The following CADM1 variants were observed in gnomAD, a reference collection of about 807,000 sequenced individuals.
CADM1 encodes cell adhesion molecule 1.
In CADM1, 15 loss-of-function variants were observed where a neutral mutation model predicts 53.1. The observed-to-expected ratio is 0.28, with a 90% CI of 0.19 to 0.44. CADM1 has a LOEUF of 0.44. Ranked by LOEUF, CADM1 falls within the 20% of genes least tolerant of loss-of-function variation. The pLI is 1.00. For missense variants in CADM1, 434 were observed against 611.3 expected, an observed-to-expected ratio of 0.71 and a Z score of 3.06; for synonymous variants, 281 against 243.0, an observed-to-expected ratio of 1.16 and a Z score of -1.45.
intron 1 of CADM1, among the ~76,000 whole-genome samples, chr11:115,295,507 TATATATATATA>T (rs1292610099): frequency 6.3e-5 from 1 of 15,766 alleles, no homozygotes; most frequent in Non-Finnish European, 1.2e-4. Flanking sequence ...CAAGATATTT[TATATATATATA>T]TATATATATA....
At chr11:115,318,915 GAAT>G (rs1171163205) in intron 1 of CADM1, among the ~76,000 whole-genome samples, 3 of 152,150 alleles carry the variant, frequency 2.0e-5, no homozygotes, top group African/African-American at 7.2e-5. Flanking sequence ...GAAGTAGCAA[GAAT>G]AATAATTAAC....
At chr11:115,326,355 T>C (rs1010407443) in intron 1 of CADM1, among the ~76,000 whole-genome samples, 9 of 152,174 alleles carry the variant, frequency 5.9e-5, no homozygotes, top group African/African-American at 2.2e-4. Context: ...GAAGAACTTT[T>C]GAAGCATGTA....
intron 1 of CADM1, among the ~76,000 whole-genome samples, chr11:115,484,563 G>A (rs1162220367): frequency 6.6e-6 from 1 of 152,086 alleles, no homozygotes; most frequent in Non-Finnish European, 1.5e-5. Context: ...AAATAATATG[G>A]ACAGGCTGAA....
intron 8 of CADM1, among the ~76,000 whole-genome samples, chr11:115,202,343 TA>T (rs1940472340): frequency 6.6e-6 from 1 of 152,194 alleles, no homozygotes; most frequent in Admixed American, 6.5e-5. Flanking sequence ...GGTTTAAAAC[TA>T]ATCCATAAAT....
intron 1 of CADM1, among the ~76,000 whole-genome samples, chr11:115,487,125 G>A (rs901162597): frequency 6.6e-6 from 1 of 152,166 alleles, no homozygotes; most frequent in African/African-American, 2.4e-5. Context: ...TTTGGAAATT[G>A]AAAGATTCAT....
chr11:115,302,599 T>C (rs1233665401), intron 1 of CADM1, among the ~76,000 whole-genome samples: 2 of 152,114 alleles, frequency 1.3e-5, no homozygotes, highest in Non-Finnish European at 2.9e-5. Context: ...ATTTTCTCAT[T>C]CTAAATAAAT....
intron 1 of CADM1, among the ~76,000 whole-genome samples, chr11:115,492,236 T>C (rs968351200): frequency 6.6e-6 from 1 of 152,312 alleles, no homozygotes; most frequent in East Asian, 1.9e-4. Flanking sequence ...TAACAAAGGC[T>C]GTGTGAAAGT....
intron 1 of CADM1, among the ~76,000 whole-genome samples, chr11:115,354,016 T>C (rs1037318312): frequency 1.2e-4 from 19 of 152,060 alleles, no homozygotes; most frequent in Non-Finnish European, 2.4e-4. Flanking sequence ...AAAGAAAAAA[T>C]CTAGTGTCCA....
At position 115,189,334 on chromosome 11, in the gene CADM1, G is replaced by A. The variant is rs531837740; in HGVS notation, c.1165+1554C>T. Among the ~76,000 whole-genome samples, 4 of 152,214 alleles carry A rather than the reference G, an allele frequency of 2.6e-5. No homozygotes were observed. The South Asian group carries it at 8.3e-4, about 32-fold the overall frequency. ...GATTCAGTCACATTTTCCTAAAGAG[G>A]AGAAAAATGACTTTTGCATATCTGA... On this transcript the variant is annotated intron_variant, in intron 10 of 11. Transcript: ENST00000331581.
At chr11:115,184,020 C>G (rs962893700) in intron 10 of CADM1, among the ~76,000 whole-genome samples, 3 of 152,020 alleles carry the variant, frequency 2.0e-5, no homozygotes, top group Non-Finnish European at 4.4e-5. Flanking sequence ...AGTTTAATTA[C>G]AAACTCTCAG....
At chr11:115,253,192 G>T (rs1212313754) in intron 1 of CADM1, among the ~76,000 whole-genome samples, 2 of 152,206 alleles carry the variant, frequency 1.3e-5, no homozygotes, top group African/African-American at 2.4e-5. Context: ...TATGGTCTGT[G>T]GGCTGCAGGT....
Position 115,445,856 on chromosome 11 carries a change from G to A in CADM1, c.124+58415C>T, listed in dbSNP as rs141177163. 5.1e-3 allele frequency: 2,136 copies of A among 415,322 alleles called. 15 individuals are homozygous for A. The highest frequency in any genetic ancestry group is 0.011 in the Middle Eastern group (31 of 2,876). The allele number at this position is 415,322 out of a possible 1,614,324, so 25.7% of individuals were successfully genotyped here. ...TGAGACCTGTCAAAAAAGAAAAAAC[G>A]AGAGAGAGAGGTAATACAATTATAA... On this transcript the variant is annotated intron_variant, in intron 1 of 11. Transcript: ENST00000331581.
At chr11:115,218,079 C>G in intron 5 of CADM1, 88 bp from the exon 6 acceptor site, 1 of 827,108 alleles carries the variant, frequency 1.2e-6, no homozygotes, top group Non-Finnish European at 2.1e-6. Flanking sequence ...AACCACAGTA[C>G]CAGCACTTAC....
intron 1 of CADM1, among the ~76,000 whole-genome samples, chr11:115,263,544 A>G (rs921814033): frequency 1.3e-5 from 2 of 152,200 alleles, no homozygotes; most frequent in Admixed American, 6.5e-5. Context: ...ATTCTTCTGT[A>G]AGGAAGACAT....
At chr11:115,287,751 A>AT (rs1228103392) in intron 1 of CADM1, among the ~76,000 whole-genome samples, 1 of 152,156 alleles carries the variant, frequency 6.6e-6, no homozygotes, top group Admixed American at 6.5e-5. Context: ...TAACCTAACC[A>AT]TTTTTTTGGG....
At chr11:115,262,570 T>C (rs1276865117) in intron 1 of CADM1, among the ~76,000 whole-genome samples, 1 of 152,196 alleles carries the variant, frequency 6.6e-6, no homozygotes, top group Non-Finnish European at 1.5e-5. Context: ...GTGATACAGT[T>C]AAAAGCAAGC....
rs918035165 is a variant in CADM1, at chr11:115,169,332, C to A, written c.*7142G>T. 2 of 265,330 alleles carry A rather than the reference C, an allele frequency of 7.5e-6. No homozygotes were observed. Among genetic ancestry groups the A allele is most frequent in the African/African-American group, 2.3e-5 (1 of 43,484 alleles). 16.4% of individuals were successfully genotyped at this position (265,330 alleles called of 1,614,324 possible). On this transcript the variant is annotated 3_prime_UTR_variant, in exon 12 of 12. Transcript: ENST00000331581. ...AAGGCCCTTCTCGATGCATTGGTGTCTCTGCAAGGAAATCTATTATTTTCC... is the reference window on the plus strand; with the variant it reads ...AAGGCCCTTCTCGATGCATTGGTGTATCTGCAAGGAAATCTATTATTTTCC...
At chr11:115,268,442 T>C (rs995945585) in intron 1 of CADM1, among the ~76,000 whole-genome samples, 1 of 152,136 alleles carries the variant, frequency 6.6e-6, no homozygotes, top group African/African-American at 2.4e-5. Flanking sequence ...AATCTCTATC[T>C]GCACTCTTCA....
chr11:115,459,690 G>A (rs1422478074), intron 1 of CADM1, among the ~76,000 whole-genome samples: 2 of 152,156 alleles, frequency 1.3e-5, no homozygotes, highest in Non-Finnish European at 2.9e-5. Flanking sequence ...TGGAAGGATT[G>A]AAAAGACTTT....
Sources: allele counts gnomAD v4.1 joint callset (sites outside exome capture counted in the v4.1 genomes callset), GRCh38; gene constraint gnomAD v4.1.1; transcripts MANE v1.5; gene names NCBI Gene and HGNC (gene_info 2026-07-23, HGNC 2026-07-21).